The following PVT1 variants were observed in gnomAD, a reference collection of about 807,000 sequenced individuals.
PVT1 encodes the protein CXCR4/PVT1 fusion.
At chr8:127,955,271 C>G (rs1385731491) in intron 3 of PVT1, among the ~76,000 whole-genome samples, 1 of 152,146 alleles carries the variant, frequency 6.6e-6, no homozygotes, top group Non-Finnish European at 1.5e-5. Context: ...AGAGAGGCCT[C>G]AGGAGACACC....
intron 3 of PVT1, among the ~76,000 whole-genome samples, chr8:127,923,346 C>G (rs1173509340): frequency 6.6e-6 from 1 of 152,250 alleles, no homozygotes; most frequent in Non-Finnish European, 1.5e-5. Context: ...TCATGTCACA[C>G]AGCTGATAAA....
At chr8:128,079,352 G>A (rs1185826196) in intron 5 of PVT1, among the ~76,000 whole-genome samples, 1 of 152,164 alleles carries the variant, frequency 6.6e-6, no homozygotes, top group Non-Finnish European at 1.5e-5. Context: ...TGAGTCAAAA[G>A]TATAGAATTC....
At chr8:127,856,690 A>C (rs1228185662) in intron 2 of PVT1, among the ~76,000 whole-genome samples, 1 of 152,176 alleles carries the variant, frequency 6.6e-6, no homozygotes, top group Non-Finnish European at 1.5e-5. Context: ...ACTAAAATGG[A>C]GTTTTTGTTG....
At chr8:128,013,238 C>A (rs1817335811) in intron 4 of PVT1, among the ~76,000 whole-genome samples, 1 of 152,120 alleles carries the variant, frequency 6.6e-6, no homozygotes, top group South Asian at 2.1e-4. Context: ...ATACTAGTTT[C>A]CTTATAAGTC....
chr8:127,817,698 A>G (rs1189241921), intron 2 of PVT1, among the ~76,000 whole-genome samples: 1 of 149,994 alleles, frequency 6.7e-6, no homozygotes, highest in Non-Finnish European at 1.5e-5. Context: ...CCTGGGCAAC[A>G]TAGTTGGACC....
intron 3 of PVT1, among the ~76,000 whole-genome samples, chr8:127,906,609 TG>T: frequency 6.6e-6 from 1 of 152,084 alleles, no homozygotes; most frequent in Admixed American, 6.5e-5. Context: ...GAGAGGGGGA[TG>T]GGGGGTGGAC....
At chr8:128,064,736 A>G (rs979383639) in intron 4 of PVT1, among the ~76,000 whole-genome samples, 2 of 152,266 alleles carry the variant, frequency 1.3e-5, no homozygotes, top group African/African-American at 4.8e-5. Flanking sequence ...CTTAGCTGAA[A>G]AATATGAAAA....
At chr8:127,939,035 A>G (rs1205585435) in intron 3 of PVT1, among the ~76,000 whole-genome samples, 1 of 152,146 alleles carries the variant, frequency 6.6e-6, no homozygotes, top group Admixed American at 6.5e-5. Flanking sequence ...TACCTTCTCT[A>G]TTTGGGAAGT....
intron 2 of PVT1, among the ~76,000 whole-genome samples, chr8:127,872,198 G>C (rs971209473): frequency 6.6e-6 from 1 of 152,206 alleles, no homozygotes; most frequent in African/African-American, 2.4e-5. Flanking sequence ...GCAGATCACT[G>C]AGGTCAGGAG....
At chr8:128,025,576 G>T (rs965949882) in intron 4 of PVT1, among the ~76,000 whole-genome samples, 2 of 152,186 alleles carry the variant, frequency 1.3e-5, no homozygotes, top group African/African-American at 4.8e-5. Flanking sequence ...GAAAGAATTT[G>T]CCATACTGCC....
At position 127,904,403 on chromosome 8, in the gene PVT1, AC is replaced by A. The variant is rs1815795486; in HGVS notation, n.782+13406del. On this transcript the variant is annotated intron_variant and non_coding_transcript_variant, in intron 3 of 10. Coordinates refer to ENST00000651587, the Ensembl canonical transcript of PVT1. ...ACTGCCCCTGGCCCTGCTGTGCAGC[AC>A]TTTCAGACCCCTAAATGATGTGACC... 1.3e-5 allele frequency among the ~76,000 whole-genome samples: 2 copies of A among 152,214 alleles called. 1 individual carries two copies. Among genetic ancestry groups the A allele is most frequent in the Non-Finnish European group, 2.9e-5 (2 of 68,050 alleles).
chr8:127,829,324 T>G (rs921982582), intron 2 of PVT1, among the ~76,000 whole-genome samples: 5 of 151,870 alleles, frequency 3.3e-5, no homozygotes, highest in African/African-American at 1.2e-4. Flanking sequence ...TTATATATAT[T>G]CACACACATG....
intron 4 of PVT1, among the ~76,000 whole-genome samples, chr8:128,055,487 T>C (rs145620674): frequency 1.2e-3 from 182 of 152,366 alleles, no homozygotes; most frequent in African/African-American, 3.8e-3. Context: ...CTGCCTGGCC[T>C]AGTGCTCAAC....
At chr8:127,928,987 T>C (rs2129881531) in intron 3 of PVT1, among the ~76,000 whole-genome samples, 1 of 152,312 alleles carries the variant, frequency 6.6e-6, no homozygotes, top group East Asian at 1.9e-4. Flanking sequence ...GATATGCGGC[T>C]GCACAGCCAG....
intron 3 of PVT1, among the ~76,000 whole-genome samples, chr8:127,975,619 A>G (rs1816815264): frequency 6.6e-6 from 1 of 152,172 alleles, no homozygotes; most frequent in African/African-American, 2.4e-5. Flanking sequence ...TGAGATTGCA[A>G]CACCCTGCTC....
In PVT1 at chr8:127,813,596, C is replaced by T. The variant is rs1814625834; in HGVS notation, n.372+17525C>T. ...CTAATAACAGACCGTGTGGCTTGAA[C>T]CTCAGCCCTGCTGCCAAGTAGCTGT... is the stretch of plus-strand genomic sequence containing the variant. On this transcript the variant is annotated intron_variant and non_coding_transcript_variant, in intron 2 of 10. Transcript: ENST00000651587. Among the ~76,000 whole-genome samples, 2 of 152,208 alleles carry T rather than the reference C, an allele frequency of 1.3e-5. 1 individual carries two copies. Among genetic ancestry groups the T allele is most frequent in the South Asian group, 4.1e-4 (2 of 4,836 alleles).
At chr8:127,920,726 A>G (rs774654244) in intron 3 of PVT1, among the ~76,000 whole-genome samples, 2 of 152,212 alleles carry the variant, frequency 1.3e-5, no homozygotes, top group Non-Finnish European at 2.9e-5. Flanking sequence ...AAAGTTTAGT[A>G]CTTTGGATAG....
At chr8:127,855,565 C>T (rs929550226) in intron 2 of PVT1, among the ~76,000 whole-genome samples, 7 of 152,096 alleles carry the variant, frequency 4.6e-5, no homozygotes, top group African/African-American at 1.4e-4. Flanking sequence ...TTCTCTCTCC[C>T]GGGAAGGGAG....
At chr8:128,089,218 C>T (rs1814316433) in intron 5 of PVT1, among the ~76,000 whole-genome samples, 2 of 152,210 alleles carry the variant, frequency 1.3e-5, no homozygotes, top group Admixed American at 1.3e-4. Flanking sequence ...ACTAAGTTTA[C>T]TTCTCATAGT....
Sources: allele counts gnomAD v4.1 joint callset (sites outside exome capture counted in the v4.1 genomes callset), GRCh38; gene constraint gnomAD v4.1.1; transcripts MANE v1.5; gene names NCBI Gene and HGNC (gene_info 2026-07-23, HGNC 2026-07-21).